Variants in CDK14 observed in about 807,000 individuals in gnomAD.
The protein encoded by CDK14 is cyclin dependent kinase 14, also known as cyclin-dependent kinase 14.
A neutral mutation model predicts 60.7 loss-of-function variants in CDK14; 34 were observed. That is an observed-to-expected ratio of 0.56 (90% CI 0.43 to 0.75). The LOEUF (loss-of-function observed/expected upper bound fraction) is 0.75, where lower values mean the gene tolerates loss of function less well. Ranked by LOEUF, CDK14 falls within the 30% of genes least tolerant of loss-of-function variation. The pLI is 0.00. For missense variants in CDK14, 482 were observed against 564.1 expected (o/e 0.85, Z 1.47); for synonymous variants, 197 against 203.7 (o/e 0.97, Z 0.28).
At chr7:90,920,761 G>A (rs1401200848) in intron 8 of CDK14, among the ~76,000 whole-genome samples, 1 of 152,186 alleles carries the variant, frequency 6.6e-6, no homozygotes, top group African/African-American at 2.4e-5. Context: ...ACAAAAATAT[G>A]CATCACATAA....
chr7:90,928,945 C>G (rs1162640793), intron 8 of CDK14, among the ~76,000 whole-genome samples: 1 of 152,202 alleles, frequency 6.6e-6, no homozygotes, highest in South Asian at 2.1e-4. Flanking sequence ...CTCAGCCTGG[C>G]TGCTGTCTTG....
chr7:91,206,551 T>G (rs1802904541), intron 14 of CDK14, among the ~76,000 whole-genome samples: 1 of 152,158 alleles, frequency 6.6e-6, no homozygotes, highest in African/African-American at 2.4e-5. Flanking sequence ...GCTTCCTTCT[T>G]TTTGCTTGAA....
At chr7:91,051,855 G>A (rs1403460407) in intron 11 of CDK14, among the ~76,000 whole-genome samples, 2 of 152,186 alleles carry the variant, frequency 1.3e-5, no homozygotes, top group Non-Finnish European at 2.9e-5. Flanking sequence ...ATCGACAGGT[G>A]CTGTGGTTCA....
intron 2 of CDK14, among the ~76,000 whole-genome samples, chr7:90,636,728 C>A (rs901336223): frequency 1.3e-5 from 2 of 152,092 alleles, no homozygotes; most frequent in African/African-American, 4.8e-5. Context: ...CCTCCTTGTA[C>A]CTGTGGTGGA....
intron 8 of CDK14, among the ~76,000 whole-genome samples, chr7:90,941,639 A>C (rs1793937997): frequency 6.6e-6 from 1 of 151,256 alleles, no homozygotes; most frequent in Admixed American, 6.6e-5. Flanking sequence ...TTTTTTGTAG[A>C]CATGACATCT....
intron 3 of CDK14, among the ~76,000 whole-genome samples, chr7:90,741,009 A>G (rs1803320508): frequency 6.6e-6 from 1 of 152,282 alleles, no homozygotes; most frequent in East Asian, 1.9e-4. Context: ...TGTGAGGGCA[A>G]GAATTCTATT....
chr7:91,167,233 T>C (rs1203502404), intron 14 of CDK14, among the ~76,000 whole-genome samples: 2 of 152,212 alleles, frequency 1.3e-5, no homozygotes, highest in African/African-American at 2.4e-5. Flanking sequence ...TTTACTGTCT[T>C]CTAAAGATTT....
chr7:90,910,660 G>A (rs1178036002), intron 7 of CDK14, among the ~76,000 whole-genome samples: 1 of 151,962 alleles, frequency 6.6e-6, no homozygotes, highest in Non-Finnish European at 1.5e-5. Flanking sequence ...TTGCCTTTTT[G>A]GATAGCAGCC....
chr7:90,726,980 C>G (rs555802582), intron 3 of CDK14, among the ~76,000 whole-genome samples, 168 bp downstream of exon 3: 1 of 152,190 alleles, frequency 6.6e-6, no homozygotes, highest in East Asian at 1.9e-4. Flanking sequence ...TATATGGACT[C>G]CTTATTTATA....
At chr7:90,862,350 A>C (rs558659847) in intron 5 of CDK14, among the ~76,000 whole-genome samples, 1 of 152,206 alleles carries the variant, frequency 6.6e-6, no homozygotes, top group Non-Finnish European at 1.5e-5. Flanking sequence ...GTAAATGCTA[A>C]TCAAGAGAAT....
chr7:90,897,159 T>A (rs1792363319), intron 6 of CDK14, among the ~76,000 whole-genome samples: 1 of 152,186 alleles, frequency 6.6e-6, no homozygotes, highest in African/African-American at 2.4e-5. Flanking sequence ...TACATGTTTC[T>A]TGAATTATGT....
chr7:90,891,916 G>A lies in CDK14; in HGVS notation c.640-7375G>A, dbSNP rs75976736. 3.9e-3 allele frequency among the ~76,000 whole-genome samples: 590 copies of A among 152,330 alleles called. 6 individuals carry two copies. The highest frequency in any genetic ancestry group is 0.013 in the African/African-American group (561 of 41,572). On this transcript the variant is annotated intron_variant, in intron 6 of 14. Transcript: ENST00000380050. Reference sequence around the variant, plus strand: ...TAATGCAAAAGCAGAATTTCTCTGAGGAACTTTCTATCTCATGAATAGGAG... The same window carrying A: ...TAATGCAAAAGCAGAATTTCTCTGAAGAACTTTCTATCTCATGAATAGGAG...
At chr7:90,983,592 A>ATGGCG in intron 9 of CDK14, among the ~76,000 whole-genome samples, 1 of 151,972 alleles carries the variant, frequency 6.6e-6, no homozygotes, top group Admixed American at 6.6e-5. Flanking sequence ...AGACAGGAGA[A>ATGGCG]TGGCGTGAAC....
intron 12 of CDK14, among the ~76,000 whole-genome samples, chr7:91,096,358 ACATGG>A (rs1231974452): frequency 3.9e-5 from 6 of 152,220 alleles, no homozygotes; most frequent in African/African-American, 7.2e-5. Context: ...AGAGAGGCTC[ACATGG>A]TGAGGAACTA....
rs1422786931 is a variant in CDK14, at chr7:90,596,337, G to C, written c.-291G>C. ...CTCTCCGTTACAAAGGAGGGAAAAT[G>C]AGCCGGGCGGCGGCGGCGCGGCGCG... On this transcript the variant is annotated 5_prime_UTR_variant, in exon 1 of 15. An upstream start codon of the reference 5' UTR is lost. Coordinates refer to ENST00000380050, the MANE Select transcript of CDK14 (RefSeq NM_001287135.2). 2.0e-5 allele frequency among the ~76,000 whole-genome samples: 3 copies of C among 150,342 alleles called. No individual in the cohort carries two copies. The highest frequency in any genetic ancestry group is 7.3e-5 in the African/African-American group (3 of 41,184).
At chr7:90,770,931 G>A (rs981285619) in intron 4 of CDK14, among the ~76,000 whole-genome samples, 1 of 152,138 alleles carries the variant, frequency 6.6e-6, no homozygotes, top group African/African-American at 2.4e-5. Flanking sequence ...CCTTGACAGC[G>A]CTGCACAGAC....
In CDK14 at chr7:91,053,713, T is replaced by A. The variant is rs542786660; in HGVS notation, c.1105+7753T>A. On this transcript the variant is annotated intron_variant, in intron 11 of 14. Transcript: ENST00000380050. The stretch of plus-strand genomic sequence containing the variant: ...GAACCCTTAGCCTTTATTGACATTC[T>A]TGGCTTTTCCTGAGTCTTTTAGAAG... Among the ~76,000 whole-genome samples the A allele has an allele frequency of 4.6e-5, 7 of 152,324 alleles. No homozygotes were observed. In the South Asian group the frequency reaches 6.2e-4, roughly 14 times the overall value.
chr7:91,023,930 G>T (rs1796500051), intron 10 of CDK14, among the ~76,000 whole-genome samples: 1 of 152,036 alleles, frequency 6.6e-6, no homozygotes, highest in African/African-American at 2.4e-5. Context: ...ACGCCAACAT[G>T]TCTGGCAAAT....
At chr7:91,007,881 A>G (rs1015003610) in intron 10 of CDK14, among the ~76,000 whole-genome samples, 1 of 152,140 alleles carries the variant, frequency 6.6e-6, no homozygotes, top group Admixed American at 6.5e-5. Flanking sequence ...TGTGCTTGAA[A>G]TCTTTTTATG....
Sources: allele counts gnomAD v4.1 joint callset (sites outside exome capture counted in the v4.1 genomes callset), GRCh38; gene constraint gnomAD v4.1.1; transcripts MANE v1.5; gene names NCBI Gene and HGNC (gene_info 2026-07-23, HGNC 2026-07-21).